The following ACCSL variants were observed in gnomAD, a reference collection of about 807,000 sequenced individuals.
The protein encoded by ACCSL is 1-aminocyclopropane-1-carboxylate synthase homolog (inactive) like, also known as probable inactive 1-aminocyclopropane-1-carboxylate synthase-like protein 2.
In ACCSL, 55 loss-of-function variants were observed where a neutral mutation model predicts 61.7. The ratio of observed to expected loss-of-function variants is 0.89; its 90% confidence interval spans 0.72 to 1.12. ACCSL has a LOEUF of 1.12. Among genes scored for constraint, ACCSL ranks in the 50% most tolerant of loss-of-function variants. The probability of loss-of-function intolerance (pLI) is 0.00; values close to 1 mark genes in which losing one functional copy is unlikely to be tolerated. For missense variants in ACCSL, 632 were observed against 698.0 expected (o/e 0.91, Z 1.07); for synonymous variants, 258 against 264.3 (o/e 0.98, Z 0.23).
chr11:44,000,421 G>T, the ACCSL span, among the ~76,000 whole-genome samples: 1 of 143,170 alleles, frequency 7.0e-6, no homozygotes, highest in Non-Finnish European at 1.5e-5. Flanking sequence ...ACCTCACCTG[G>T]CCCCCTGTCT....
the ACCSL span, among the ~76,000 whole-genome samples, chr11:44,028,748 C>T: frequency 6.6e-6 from 1 of 152,164 alleles, no homozygotes. Context: ...GCCTCAGTCT[C>T]CTTGTCTGTA....
the ACCSL span, among the ~76,000 whole-genome samples, chr11:44,015,542 A>G: frequency 1.3e-5 from 2 of 152,200 alleles, no homozygotes; most frequent in East Asian, 3.9e-4. Context: ...CGCCGGCCCA[A>G]GACAAGAAGC....
chr11:44,035,044 C>T, the ACCSL span, among the ~76,000 whole-genome samples: 1 of 152,126 alleles, frequency 6.6e-6, no homozygotes, highest in South Asian at 2.1e-4. Context: ...TTGGCATTCC[C>T]TCTGCCTGGA....
chr11:44,050,056 C>G lies in ACCSL; in HGVS notation c.505-6C>G. On this transcript the variant is annotated splice_polypyrimidine_tract_variant and splice_region_variant and intron_variant, in intron 1 of 13. Transcript: ENST00000378832. ...TGACCTGATCTTGGATTCCTTCCAT[C>G]TCCAGGGTTTCATTAACCTTGGCAC... 1 of 1,614,182 alleles carries G rather than the reference C, an allele frequency of 6.2e-7. No individual in the cohort carries two copies. The highest frequency in any genetic ancestry group is 1.3e-5 in the African/African-American group (1 of 75,052).
chr11:44,011,695 G>T, the ACCSL span, among the ~76,000 whole-genome samples: 1 of 152,160 alleles, frequency 6.6e-6, no homozygotes, highest in Non-Finnish European at 1.5e-5. Context: ...AGTGTTTCAA[G>T]ACTGTCCATC....
chr11:43,940,523 C>CTT, the ACCSL span, among the ~76,000 whole-genome samples: 48,968 of 147,384 alleles, frequency 0.33, 8,208 homozygotes, highest in East Asian at 0.41. Context: ...GCCTAGCTAA[C>CTT]TTTTTTTTTT....
At chr11:44,012,575 C>G in the ACCSL span, among the ~76,000 whole-genome samples, 2 of 152,196 alleles carry the variant, frequency 1.3e-5, no homozygotes, top group African/African-American at 4.8e-5. Flanking sequence ...GTGTGAGCCA[C>G]TGTACCCAGC....
chr11:43,996,527 A>T, the ACCSL span, among the ~76,000 whole-genome samples: 1 of 152,218 alleles, frequency 6.6e-6, no homozygotes, highest in Non-Finnish European at 1.5e-5. Flanking sequence ...GATGAACCCT[A>T]GGACAATGGC....
the ACCSL span, among the ~76,000 whole-genome samples, chr11:44,042,703 C>G: frequency 6.6e-6 from 1 of 151,464 alleles, no homozygotes; most frequent in East Asian, 1.9e-4. Context: ...CTTTTTTCTA[C>G]TATAAAATAA....
the ACCSL span, chr11:43,943,506 T>C: frequency 7.4e-7 from 1 of 1,358,226 alleles, no homozygotes; most frequent in Non-Finnish European, 9.8e-7. The surrounding 1 kb of genome is among the most constrained non-coding windows in gnomAD (Gnocchi z 4.8). Flanking sequence ...CTTGTAAATG[T>C]TTATTTTTTA....
the ACCSL span, among the ~76,000 whole-genome samples, chr11:43,969,876 C>T: frequency 2.6e-5 from 4 of 151,484 alleles, no homozygotes; most frequent in Non-Finnish European, 5.9e-5. Flanking sequence ...TGCAGAGAGG[C>T]ACAACCCCCT....
chr11:43,938,318 A>G, the ACCSL span, among the ~76,000 whole-genome samples: 3 of 152,152 alleles, frequency 2.0e-5, no homozygotes, highest in Non-Finnish European at 4.4e-5. Context: ...CCCTCCTTAG[A>G]TGCTGACTCG....
the ACCSL span, among the ~76,000 whole-genome samples, chr11:44,025,350 C>T: frequency 2.0e-5 from 3 of 151,838 alleles, no homozygotes; most frequent in African/African-American, 7.3e-5. Flanking sequence ...AGTGGTTGCC[C>T]TGGGAATTAC....
the ACCSL span, among the ~76,000 whole-genome samples, chr11:44,014,030 G>A: frequency 6.2e-4 from 95 of 152,304 alleles, no homozygotes; most frequent in African/African-American, 2.1e-3. Context: ...GCAGCACAGC[G>A]CCTTCCTGAA....
the ACCSL span, chr11:43,922,219 AAG>A: frequency 3.3e-5 from 5 of 152,202 alleles, no homozygotes; most frequent in African/African-American, 1.2e-4. Flanking sequence ...ACAGCGCTGC[AAG>A]AGAGAGGTCC....
At chr11:43,984,338 C>T in the ACCSL span, among the ~76,000 whole-genome samples, 4 of 152,166 alleles carry the variant, frequency 2.6e-5, no homozygotes, top group Admixed American at 6.5e-5. Flanking sequence ...ATCTCTCCCT[C>T]ACCTTTCTGT....
chr11:44,035,909 G>C, the ACCSL span, among the ~76,000 whole-genome samples: 1 of 133,448 alleles, frequency 7.5e-6, no homozygotes, highest in Non-Finnish European at 1.5e-5. Context: ...TTGCACTCCA[G>C]CCTGAGCCAT....
the ACCSL span, among the ~76,000 whole-genome samples, chr11:44,010,958 T>C: frequency 6.6e-6 from 1 of 152,292 alleles, no homozygotes; most frequent in African/African-American, 2.4e-5. Flanking sequence ...AATTGCATGA[T>C]GGAAAAGCTG....
chr11:43,943,421 G>A, the ACCSL span: 2 of 1,447,304 alleles, frequency 1.4e-6, no homozygotes, highest in South Asian at 1.3e-5. This position sits in a 1 kb window ranked among gnomAD's most constrained non-coding sequence, Gnocchi z 4.8. Context: ...CCGCCCCGCT[G>A]CGAACCGGTC....
Sources: allele counts gnomAD v4.1 joint callset (sites outside exome capture counted in the v4.1 genomes callset), GRCh38; gene constraint gnomAD v4.1.1; non-coding constraint Gnocchi (gnomAD v3.1); transcripts MANE v1.5; gene names NCBI Gene and HGNC (gene_info 2026-07-23, HGNC 2026-07-21).